TOM1L1: variants seen among roughly 807,000 people sequenced by gnomAD.
The protein encoded by TOM1L1 is target of myb1 like 1 membrane trafficking protein, also known as TOM1-like protein 1.
Under a neutral mutation model 63.4 loss-of-function variants are expected in TOM1L1, and 64 were observed. That is an observed-to-expected ratio of 1.01 (90% CI 0.83 to 1.24). TOM1L1 has a LOEUF of 1.24. Ranked by LOEUF, TOM1L1 falls within the 50% of genes most tolerant of loss-of-function variation. The pLI, the probability that TOM1L1 is intolerant of heterozygous loss-of-function variation, is 0.00. For synonymous variants in TOM1L1, 166 were observed against 194.4 expected (o/e 0.85, Z 1.22); for missense variants, 536 against 567.0 (o/e 0.95, Z 0.55).
At chr17:54,929,374 G>GAAA (rs58110510) in intron 7 of TOM1L1, among the ~76,000 whole-genome samples, 1 of 140,746 alleles carries the variant, frequency 7.1e-6, no homozygotes, top group African/African-American at 2.6e-5. Context: ...ATGCTTATGA[G>GAAA]AAAAAAAAAA....
At chr17:54,931,266 C>T (rs1004744975) in intron 8 of TOM1L1, among the ~76,000 whole-genome samples, 38 of 152,104 alleles carry the variant, frequency 2.5e-4, no homozygotes, top group Admixed American at 8.5e-4. Context: ...TTTTTTCTTT[C>T]TTATTTTTTT....
chr17:54,953,416 G>A (rs2049334953), intron 14 of TOM1L1: 1 of 152,336 alleles, frequency 6.6e-6, no homozygotes, highest in African/African-American at 2.4e-5. Context: ...TGTGTAACCT[G>A]GGGCTCCTTG....
chr17:54,933,146 C>T (rs554396436), intron 8 of TOM1L1, among the ~76,000 whole-genome samples: 4 of 152,312 alleles, frequency 2.6e-5, no homozygotes, highest in South Asian at 2.1e-4. Context: ...CACTTTTGGA[C>T]GCTCCAGAGG....
At position 54,937,406 on chromosome 17, in the gene TOM1L1, G is replaced by C. The variant is rs922808909; in HGVS notation, c.1033+180G>C. On this transcript the variant is annotated intron_variant, in intron 10 of 15. Coordinates refer to ENST00000575882, the MANE Select transcript of TOM1L1 (RefSeq NM_005486.3). ...GTTGAGTCAAACCCAGTATAGCAAT[G>C]GGATGTGTCTGGGCGAGGAGGTCCT... 57 of 587,872 alleles carry C rather than the reference G, an allele frequency of 9.7e-5. No individual in the cohort carries two copies. In the Admixed American group the frequency reaches 1.6e-3, roughly 17 times the overall value. 36.4% of individuals were successfully genotyped at this position (587,872 alleles called of 1,614,324 possible). A position where few individuals can be genotyped will look rare whatever the true frequency, so the allele number is the denominator to read the frequency against.
At chr17:54,957,067 CCA>C (rs542016930) in intron 14 of TOM1L1, 93 of 152,348 alleles carry the variant, frequency 6.1e-4, no homozygotes, top group African/African-American at 2.1e-3. Flanking sequence ...TGGCTGCATT[CCA>C]CACAGGGTTT....
intron 7 of TOM1L1, among the ~76,000 whole-genome samples, chr17:54,924,095 T>C (rs9303360): frequency 0.6 from 91,086 of 151,664 alleles, 27,876 homozygotes; most frequent in African/African-American, 0.69. Context: ...ACCTCTCTAG[T>C]CTGGCCACAG....
intron 11 of TOM1L1, among the ~76,000 whole-genome samples, chr17:54,945,582 G>T (rs934849048): frequency 6.6e-6 from 1 of 151,914 alleles, no homozygotes; most frequent in African/African-American, 2.4e-5. Flanking sequence ...GCTTCTCTCT[G>T]TTTAGATTGG....
At chr17:54,941,577 A>G (rs2049033195) in intron 11 of TOM1L1, among the ~76,000 whole-genome samples, 1 of 152,218 alleles carries the variant, frequency 6.6e-6, no homozygotes, top group Non-Finnish European at 1.5e-5. Context: ...TGTTTGTGTT[A>G]TCTTGCTAAT....
At chr17:54,940,181 G>A (rs2143912320) in intron 11 of TOM1L1, among the ~76,000 whole-genome samples, 1 of 152,264 alleles carries the variant, frequency 6.6e-6, no homozygotes, top group African/African-American at 2.4e-5. Flanking sequence ...CAAGATGTGA[G>A]CTACTGCACC....
intron 8 of TOM1L1, among the ~76,000 whole-genome samples, chr17:54,936,065 G>T (rs923473465): frequency 6.6e-6 from 1 of 151,386 alleles, no homozygotes; most frequent in African/African-American, 2.4e-5. Flanking sequence ...AGAGGTTGTG[G>T]TGAGCCAAGA....
At chr17:54,949,497 C>T in intron 12 of TOM1L1, 21 bp from the exon 13 acceptor site, 1 of 1,567,980 alleles carries the variant, frequency 6.4e-7, no homozygotes. Flanking sequence ...TTTATATGAA[C>T]ATGTGTTATG....
intron 1 of TOM1L1, among the ~76,000 whole-genome samples, chr17:54,903,435 G>T (rs2048359273): frequency 6.6e-6 from 1 of 152,236 alleles, no homozygotes; most frequent in African/African-American, 2.4e-5. Flanking sequence ...CCAGGCAGGC[G>T]GAGATTTAGC....
At position 54,949,656 on chromosome 17, in the gene TOM1L1, G is replaced by C. The variant is rs749154821; in HGVS notation, c.1288+33G>C. On this transcript the variant is annotated intron_variant, in intron 13 of 15. Coordinates refer to ENST00000575882, the MANE Select transcript of TOM1L1 (RefSeq NM_005486.3). ...GGACCTTATTATTCGCATCAAATAA[G>C]GAAACTTATGAGAATATATGAGTCT... 3.3e-6 allele frequency: 5 copies of C among 1,519,048 alleles called. No individual in the cohort carries two copies. The South Asian group carries it at 4.5e-5, about 14-fold the overall frequency. 94.1% of individuals were successfully genotyped at this position (1,519,048 alleles called of 1,614,324 possible).
chr17:54,924,995 C>T (rs1056604117), intron 7 of TOM1L1, among the ~76,000 whole-genome samples: 1 of 152,200 alleles, frequency 6.6e-6, no homozygotes, highest in East Asian at 1.9e-4. Flanking sequence ...AGGCTATTCT[C>T]GTCCCTTGAC....
At chr17:54,907,609 A>G (rs868367081) in intron 3 of TOM1L1, among the ~76,000 whole-genome samples, 44 of 152,090 alleles carry the variant, frequency 2.9e-4, no homozygotes, top group African/African-American at 1.1e-3. Flanking sequence ...ACCCTCATAC[A>G]CACACCTAAT....
intron 8 of TOM1L1, among the ~76,000 whole-genome samples, chr17:54,933,020 T>G (rs17817829): frequency 0.28 from 42,705 of 152,122 alleles, 6,216 homozygotes; most frequent in South Asian, 0.31. Flanking sequence ...TGTGAAACAC[T>G]TACATCCTAA....
At chr17:54,961,184 G>C (rs2077114190) in intron 15 of TOM1L1, 51 bp from the exon 16 acceptor site, 2 of 1,209,608 alleles carry the variant, frequency 1.7e-6, no homozygotes, top group Non-Finnish European at 2.4e-6. Context: ...CAAGGAATGG[G>C]GAAAGAGAAG....
intron 3 of TOM1L1, among the ~76,000 whole-genome samples, 165 bp downstream of exon 3, chr17:54,905,732 A>G (rs1312086192): frequency 6.6e-6 from 1 of 152,236 alleles, no homozygotes; most frequent in Non-Finnish European, 1.5e-5. Flanking sequence ...AGAATTGCAG[A>G]ATAAAGAAAG....
At chr17:54,953,771 T>C (rs2049352537) in intron 14 of TOM1L1, 1 of 152,182 alleles carries the variant, frequency 6.6e-6, no homozygotes. Flanking sequence ...TTAAAGGAGA[T>C]GTCTACCAGT....
Sources: gnomAD v4.1 joint callset for allele counts (sites outside exome capture counted in the v4.1 genomes callset) on GRCh38, gnomAD v4.1.1 for gene constraint, MANE v1.5 for transcripts, NCBI Gene and HGNC (gene_info 2026-07-23, HGNC 2026-07-21) for gene names.